MYO16: variants seen among roughly 807,000 people sequenced by gnomAD.
The protein encoded by MYO16 is unconventional myosin-XVI.
MYO16 carries 94 observed loss-of-function variants against 205.3 expected under a neutral mutation model. That is an observed-to-expected ratio of 0.46 (90% CI 0.39 to 0.54). The LOEUF is 0.54. Ranked by LOEUF, MYO16 falls within the 20% of genes least tolerant of loss-of-function variation. The probability of loss-of-function intolerance (pLI) is 0.00; values close to 1 mark genes in which losing one functional copy is unlikely to be tolerated. For missense variants in MYO16, 2,315 were observed against 2,387.5 expected (o/e 0.97, Z 0.63); for synonymous variants, 988 against 954.0 (o/e 1.04, Z -0.66).
At chr13:108,856,312 T>G (rs1043225780) in intron 11 of MYO16, among the ~76,000 whole-genome samples, 1 of 152,222 alleles carries the variant, frequency 6.6e-6, no homozygotes, top group African/African-American at 2.4e-5. Flanking sequence ...TATCCCTTTT[T>G]GATAACACTT....
chr13:108,535,390 G>A, the MYO16 span, among the ~76,000 whole-genome samples: 1 of 152,132 alleles, frequency 6.6e-6, no homozygotes, highest in African/African-American at 2.4e-5. Context: ...TGGCATGGTG[G>A]TCCCATGATC....
At chr13:108,633,902 C>T (rs1880101261) in intron 1 of MYO16, among the ~76,000 whole-genome samples, 1 of 152,170 alleles carries the variant, frequency 6.6e-6, no homozygotes, top group South Asian at 2.1e-4. Context: ...TCCTCACTCT[C>T]CCATATCCTG....
At chr13:109,066,888 A>G (rs1887765480) in intron 27 of MYO16, among the ~76,000 whole-genome samples, 1 of 152,144 alleles carries the variant, frequency 6.6e-6, no homozygotes, top group Non-Finnish European at 1.5e-5. Flanking sequence ...AGAAAAACGG[A>G]CGATTTGAAA....
chr13:109,140,604 C>G lies in MYO16; in HGVS notation c.4392C>G (p.Asp1464Glu). 1.3e-6 allele frequency: 2 copies of G among 1,519,804 alleles called. No homozygotes were observed. The highest frequency in any genetic ancestry group is 1.2e-5 in the South Asian group (1 of 82,336). 94.1% of individuals were successfully genotyped at this position (1,519,804 alleles called of 1,614,324 possible). A position where few individuals can be genotyped will look rare whatever the true frequency, so the allele number is the denominator to read the frequency against. Reference sequence around the variant, plus strand: ...AGATGAAGTGTTGCCTGCCCGACGACGGCGGCCCGGGCGCGGGCTCCTTCC... The same window carrying G: ...AGATGAAGTGTTGCCTGCCCGACGAGGGCGGCCCGGGCGCGGGCTCCTTCC... The part of the protein sequence containing the change: ...YEEMKCCLPD[D>E]GGPGAGSFLL... The change falls in exon 32 of 35, where the codon GAC becomes GAG. Residue 1464 changes from aspartate (D) to glutamate (E), a missense_variant. Asp to Glu is a conservative substitution (Grantham distance 45). Transcript: ENST00000457511. This position sits in a 1 kb window ranked among gnomAD's most constrained non-coding sequence, Gnocchi z 8.0.
chr13:108,982,869 A>G (rs1566444837), intron 20 of MYO16, among the ~76,000 whole-genome samples: 1 of 152,268 alleles, frequency 6.6e-6, no homozygotes, highest in Non-Finnish European at 1.5e-5. Context: ...CAAATATCCT[A>G]TGCTCTTAAA....
intron 2 of MYO16, among the ~76,000 whole-genome samples, chr13:108,687,917 G>A (rs1882742520): frequency 6.6e-6 from 1 of 152,148 alleles, no homozygotes; most frequent in African/African-American, 2.4e-5. Flanking sequence ...AAGGATATTT[G>A]GACTGTGAGA....
chr13:108,895,214 A>C (rs953539305), intron 14 of MYO16, among the ~76,000 whole-genome samples: 1 of 152,160 alleles, frequency 6.6e-6, no homozygotes, highest in African/African-American at 2.4e-5. Context: ...AAATACAAAA[A>C]AAAAGTCAAT....
chr13:109,197,815 G>A (rs1055696944), intron 34 of MYO16, among the ~76,000 whole-genome samples: 3 of 152,106 alleles, frequency 2.0e-5, no homozygotes, highest in African/African-American at 4.8e-5. Context: ...CACTTGAGTA[G>A]AATAAAAGTC....
chr13:109,151,388 C>T (rs950275328), intron 32 of MYO16, among the ~76,000 whole-genome samples: 1 of 152,132 alleles, frequency 6.6e-6, no homozygotes, highest in Non-Finnish European at 1.5e-5. Context: ...TTAATTATGA[C>T]AATAAACAAT....
intron 11 of MYO16, among the ~76,000 whole-genome samples, chr13:108,859,123 T>TACA (rs1878334486): frequency 6.6e-6 from 1 of 152,188 alleles, no homozygotes; most frequent in Non-Finnish European, 1.5e-5. Flanking sequence ...ACATACTGTA[T>TACA]ATTTTTCTTA....
chr13:108,951,225 T>C (rs573748057), intron 16 of MYO16, among the ~76,000 whole-genome samples: 14 of 152,330 alleles, frequency 9.2e-5, no homozygotes, highest in African/African-American at 3.4e-4. Context: ...TGTAGATGGG[T>C]GCTCAGATTC....
At chr13:108,990,292 A>G (rs1284530873) in intron 20 of MYO16, among the ~76,000 whole-genome samples, 2 of 152,154 alleles carry the variant, frequency 1.3e-5, no homozygotes, top group Non-Finnish European at 2.9e-5. Flanking sequence ...CAGGATGGAG[A>G]GGAGGATGCA....
intron 4 of MYO16, among the ~76,000 whole-genome samples, chr13:108,732,210 G>A (rs1365973124): frequency 2.0e-5 from 3 of 152,294 alleles, no homozygotes; most frequent in South Asian, 4.1e-4. Flanking sequence ...CAGAGAGACT[G>A]TGCAGCATTG....
At chr13:109,040,415 G>GA (rs1886848917) in intron 23 of MYO16, among the ~76,000 whole-genome samples, 2 of 139,230 alleles carry the variant, frequency 1.4e-5, no homozygotes, top group Non-Finnish European at 3.2e-5. Context: ...GAGAGAGAGA[G>GA]AAAATTAAAA....
At chr13:108,746,373 A>C (rs1885063361) in intron 4 of MYO16, among the ~76,000 whole-genome samples, 1 of 152,144 alleles carries the variant, frequency 6.6e-6, no homozygotes, top group African/African-American at 2.4e-5. Context: ...GTAATTTCAA[A>C]AGGTTTGACA....
chr13:108,680,403 T>C (rs1310605218), intron 2 of MYO16, among the ~76,000 whole-genome samples: 1 of 152,274 alleles, frequency 6.6e-6, no homozygotes, highest in Non-Finnish European at 1.5e-5. Context: ...CCATTCATCT[T>C]ATTGAATGTC....
intron 10 of MYO16, among the ~76,000 whole-genome samples, chr13:108,854,653 CTG>C (rs901882797): frequency 9.9e-5 from 15 of 151,980 alleles, no homozygotes; most frequent in African/African-American, 3.6e-4. Context: ...TTTTGCTCCT[CTG>C]TGTGTGATAT....
At position 109,141,016 on chromosome 13, in the gene MYO16, C is replaced by T; in HGVS notation, c.4804C>T (p.Pro1602Ser). The T allele has an allele frequency of 7.6e-7, 1 of 1,324,212 alleles. No homozygotes were observed. Among genetic ancestry groups the T allele is most frequent in the Non-Finnish European group, 9.6e-7 (1 of 1,040,250 alleles). The allele number at this position is 1,324,212 out of a possible 1,614,324, so 82.0% of individuals were successfully genotyped here. The change falls in exon 32 of 35, where the codon CCC becomes TCC. Residue 1602 changes from proline to serine, a missense_variant. Physicochemically the swap from Pro to Ser is moderately conservative, Grantham distance 74. Coordinates refer to ENST00000457511, the MANE Select transcript of MYO16 (RefSeq NM_001198950.3). This position sits in a 1 kb window ranked among gnomAD's most constrained non-coding sequence, Gnocchi z 4.1. ...PSTPPPPPPP[P>S]GPPPAPYRPC... ...CACGCCGCCCCCGCCCCCGCCCCCG[C>T]CCGGGCCGCCCCCCGCGCCCTACAG...
chr13:108,671,958 G>A (rs1350213391), intron 2 of MYO16, among the ~76,000 whole-genome samples: 8 of 152,248 alleles, frequency 5.3e-5, no homozygotes, highest in African/African-American at 1.4e-4. Context: ...TTGAGGGAAA[G>A]GAACATTTAA....
Sources: gnomAD v4.1 joint callset for allele counts (sites outside exome capture counted in the v4.1 genomes callset) on GRCh38, gnomAD v4.1.1 for gene constraint, Gnocchi (gnomAD v3.1) non-coding constraint, MANE v1.5 for transcripts, NCBI Gene and HGNC (gene_info 2026-07-23, HGNC 2026-07-21) for gene names.